The following RTL4 variants were observed in gnomAD, a reference collection of about 807,000 sequenced individuals.
The protein encoded by RTL4 is retrotransposon Gag like 4.
Under a neutral mutation model 5.3 loss-of-function variants are expected in RTL4, and 4 were observed. The ratio of observed to expected loss-of-function variants is 0.75; its 90% confidence interval spans 0.37 to 1.72. The LOEUF (loss-of-function observed/expected upper bound fraction) is 1.72. RTL4 is among the 40% of genes most tolerant of loss of function. The probability of loss-of-function intolerance (pLI) is 0.04; values close to 1 mark genes in which losing one functional copy is unlikely to be tolerated. For missense variants in RTL4, 260 were observed against 227.1 expected (o/e 1.14, Z -0.93); for synonymous variants, 98 against 87.3 (o/e 1.12, Z -0.68).
the RTL4 span, among the ~76,000 whole-genome samples, chrX:112,198,254 A>ATC: frequency 1.8e-5 from 2 of 111,123 alleles, no homozygotes; most frequent in African/African-American, 6.6e-5. Context: ...CTGGTTTATT[A>ATC]TCTCTCTCTC....
upstream of RTL4, among the ~76,000 whole-genome samples, chrX:112,450,906 T>C (rs1441807892): frequency 8.9e-6 from 1 of 111,981 alleles, no homozygotes; most frequent in Non-Finnish European, 1.9e-5. Context: ...CTCTGTAAAA[T>C]GGAAGCAATT....
the RTL4 span, among the ~76,000 whole-genome samples, chrX:112,233,371 AT>A: frequency 1.8e-4 from 19 of 106,846 alleles, no homozygotes; most frequent in South Asian, 1.6e-3. Context: ...GTCTAAACAC[AT>A]TTTTTTTTTC....
At chrX:112,362,104 T>C in the RTL4 span, among the ~76,000 whole-genome samples, 1 of 112,226 alleles carries the variant, frequency 8.9e-6, no homozygotes, top group South Asian at 3.7e-4. Flanking sequence ...TATTCAGATA[T>C]GACCCTGAAA....
At chrX:112,454,763 A>G in exon 1 of RTL4, 1 of 1,199,347 alleles carries the variant, frequency 8.3e-7, no homozygotes, top group Non-Finnish European at 1.1e-6. Flanking sequence ...TCTACCATGC[A>G]GGTAGAGCCT....
chrX:112,141,992 T>C, the RTL4 span, among the ~76,000 whole-genome samples: 1 of 111,871 alleles, frequency 8.9e-6, no homozygotes. Context: ...ATATACCTTT[T>C]AGGAGACAAG....
chrX:112,230,421 G>C, the RTL4 span, among the ~76,000 whole-genome samples: 1 of 112,102 alleles, frequency 8.9e-6, no homozygotes, highest in Non-Finnish European at 1.9e-5. Context: ...TCCAGGTGCC[G>C]TCTGTCACCC....
chrX:112,159,064 T>G, the RTL4 span, among the ~76,000 whole-genome samples: 1 of 112,399 alleles, frequency 8.9e-6, no homozygotes, highest in Admixed American at 9.4e-5. Context: ...CATTCATTGA[T>G]TACCATTGAG....
At chrX:112,353,527 A>T in the RTL4 span, among the ~76,000 whole-genome samples, 1 of 111,161 alleles carries the variant, frequency 9.0e-6, no homozygotes, top group African/African-American at 3.3e-5. Context: ...GTTCATGTCC[A>T]TTGTAGGGAC....
At chrX:112,269,670 C>T in the RTL4 span, among the ~76,000 whole-genome samples, 1 of 111,938 alleles carries the variant, frequency 8.9e-6, no homozygotes, top group African/African-American at 3.2e-5. Flanking sequence ...AAAGACTGGG[C>T]CTAACCACAG....
the RTL4 span, among the ~76,000 whole-genome samples, chrX:112,096,688 A>G: frequency 2.7e-5 from 3 of 111,797 alleles, no homozygotes; most frequent in Non-Finnish European, 3.8e-5. Context: ...CAAATCACAA[A>G]CCAACTAGCC....
chrX:112,330,264 T>C, the RTL4 span, among the ~76,000 whole-genome samples: 4 of 108,261 alleles, frequency 3.7e-5, no homozygotes, highest in Non-Finnish European at 7.6e-5. Flanking sequence ...GAAAACCCCA[T>C]TGTCTCAGCC....
the RTL4 span, among the ~76,000 whole-genome samples, chrX:112,431,396 G>T: frequency 5.4e-5 from 6 of 112,056 alleles, no homozygotes; most frequent in Admixed American, 1.9e-4. Context: ...ACCTAGTAGA[G>T]CTCCTGGTAA....
the RTL4 span, among the ~76,000 whole-genome samples, chrX:112,222,706 C>A: frequency 9.0e-6 from 1 of 110,728 alleles, no homozygotes; most frequent in Non-Finnish European, 1.9e-5. Flanking sequence ...GGACTCCAGC[C>A]TGGAAAACAG....
chrX:112,091,218 T>A, the RTL4 span, among the ~76,000 whole-genome samples: 5 of 111,773 alleles, frequency 4.5e-5, no homozygotes, highest in Admixed American at 2.8e-4. Context: ...TTGTTAATAT[T>A]CTGTAATGTT....
chrX:112,322,178 TAA>T, the RTL4 span, among the ~76,000 whole-genome samples: 1 of 111,666 alleles, frequency 9.0e-6, no homozygotes, highest in African/African-American at 3.3e-5. Context: ...TTTCAGTGAC[TAA>T]AAGAGTCTTG....
the RTL4 span, among the ~76,000 whole-genome samples, chrX:112,357,338 G>A: frequency 6.3e-5 from 7 of 110,763 alleles, no homozygotes; most frequent in African/African-American, 2.0e-4. Flanking sequence ...CTCCCAAGCC[G>A]ATCACTGTGT....
At chrX:112,117,884 T>G in the RTL4 span, among the ~76,000 whole-genome samples, 2 of 112,095 alleles carry the variant, frequency 1.8e-5, no homozygotes, top group African/African-American at 6.5e-5. Context: ...ACAGGTATAT[T>G]AATCATAATT....
chrX:112,425,964 C>G, the RTL4 span, among the ~76,000 whole-genome samples: 1 of 111,640 alleles, frequency 9.0e-6, no homozygotes, highest in Non-Finnish European at 1.9e-5. Context: ...TTATTTATTT[C>G]TTGGTTTGCA....
the RTL4 span, among the ~76,000 whole-genome samples, chrX:112,362,440 C>A: frequency 1.8e-5 from 2 of 111,406 alleles, no homozygotes; most frequent in African/African-American, 3.3e-5. Flanking sequence ...ATCCATTTTA[C>A]AATTAATGGT....
Sources: gnomAD v4.1 joint callset for allele counts (sites outside exome capture counted in the v4.1 genomes callset) on GRCh38, gnomAD v4.1.1 for gene constraint, MANE v1.5 for transcripts, NCBI Gene and HGNC (gene_info 2026-07-23, HGNC 2026-07-21) for gene names.